The following RIMS1 variants were observed in gnomAD, a reference collection of about 807,000 sequenced individuals.
The protein encoded by RIMS1 is regulating synaptic membrane exocytosis 1, also known as regulating synaptic membrane exocytosis protein 1.
Under a neutral mutation model 214.1 loss-of-function variants are expected in RIMS1, and 83 were observed. The ratio of observed to expected loss-of-function variants is 0.39; its 90% confidence interval spans 0.32 to 0.47. The LOEUF (loss-of-function observed/expected upper bound fraction) is 0.47. Ranked by LOEUF, RIMS1 falls within the 20% of genes least tolerant of loss-of-function variation. RIMS1 has a pLI of 0.99. For missense variants in RIMS1, 2,050 were observed against 2,161.8 expected (o/e 0.95, Z 1.03); for synonymous variants, 793 against 786.8 (o/e 1.01, Z -0.13).
chr6:72,225,439 G>C (rs1393849885), intron 6 of RIMS1, among the ~76,000 whole-genome samples: 1 of 152,070 alleles, frequency 6.6e-6, no homozygotes, highest in Non-Finnish European at 1.5e-5. Context: ...TTGACATTCA[G>C]AATATTATTT....
At chr6:72,146,725 C>T (rs117365096) in intron 4 of RIMS1, among the ~76,000 whole-genome samples, 11,206 of 152,210 alleles carry the variant, frequency 0.074, 459 homozygotes, top group Middle Eastern at 0.099. Context: ...TCCTTTAACC[C>T]TCTAACCTAG....
intron 2 of RIMS1, among the ~76,000 whole-genome samples, chr6:72,060,796 T>C (rs1827649515): frequency 6.6e-6 from 1 of 152,228 alleles, no homozygotes; most frequent in Non-Finnish European, 1.5e-5. Flanking sequence ...ATGTATAATC[T>C]TTTATACTGA....
chr6:72,162,524 A>C (rs1434149241), intron 4 of RIMS1, among the ~76,000 whole-genome samples: 1 of 140,640 alleles, frequency 7.1e-6, no homozygotes. Context: ...AGTGGCTGGT[A>C]CTGGTTGTTC....
At chr6:71,948,381 A>G (rs1347530853) in intron 1 of RIMS1, among the ~76,000 whole-genome samples, 1 of 152,212 alleles carries the variant, frequency 6.6e-6, no homozygotes, top group Non-Finnish European at 1.5e-5. Flanking sequence ...AACATTGAAT[A>G]TTTCTTAATA....
chr6:72,302,988 A>T (rs1388011307), intron 26 of RIMS1, among the ~76,000 whole-genome samples: 1 of 151,032 alleles, frequency 6.6e-6, no homozygotes, highest in Non-Finnish European at 1.5e-5. Context: ...TTCAAGGTGC[A>T]TAGAGAGAAA....
chr6:72,075,642 G>A lies in RIMS1; in HGVS notation c.246-21307G>A, dbSNP rs544268976. Among the ~76,000 whole-genome samples the A allele has an allele frequency of 7.2e-5, 11 of 152,194 alleles. No individual in the cohort carries two copies. In the South Asian group the frequency reaches 2.1e-3, roughly 29 times the overall value. ...AAAAAAAATTATTTAACTAAGATTAGAAAGATGAAAACAGAATGCTCACCA... is the reference window on the plus strand; with the variant it reads ...AAAAAAAATTATTTAACTAAGATTAAAAAGATGAAAACAGAATGCTCACCA... On this transcript the variant is annotated intron_variant, in intron 2 of 33. Coordinates refer to ENST00000521978, the MANE Select transcript of RIMS1 (RefSeq NM_014989.7).
At chr6:72,181,694 C>T (rs1030627178) in intron 5 of RIMS1, among the ~76,000 whole-genome samples, 3 of 152,044 alleles carry the variant, frequency 2.0e-5, no homozygotes. Flanking sequence ...GAGAGGTGGC[C>T]AGTGTAAAGA....
intron 1 of RIMS1, among the ~76,000 whole-genome samples, chr6:71,954,115 G>T (rs1305915763): frequency 6.6e-6 from 1 of 152,068 alleles, no homozygotes; most frequent in Non-Finnish European, 1.5e-5. Context: ...ATGAGATGTT[G>T]CTGTTAGAAA....
intron 4 of RIMS1, among the ~76,000 whole-genome samples, chr6:72,113,570 A>C (rs2036511305): frequency 6.6e-6 from 1 of 152,136 alleles, no homozygotes; most frequent in Admixed American, 6.6e-5. Flanking sequence ...TTACACGATT[A>C]ATTTTTAAAC....
chr6:71,901,149 A>G (rs1168887441), intron 1 of RIMS1, among the ~76,000 whole-genome samples: 2 of 152,112 alleles, frequency 1.3e-5, no homozygotes, highest in African/African-American at 4.8e-5. Context: ...TGAGAAACTA[A>G]AAGTCTTATA....
At chr6:71,907,168 C>T (rs1462694936) in intron 1 of RIMS1, among the ~76,000 whole-genome samples, 1 of 152,174 alleles carries the variant, frequency 6.6e-6, no homozygotes, top group Non-Finnish European at 1.5e-5. Context: ...ATTTACCCTG[C>T]ATTATGCTTA....
At chr6:71,936,672 A>G (rs1332621681) in intron 1 of RIMS1, among the ~76,000 whole-genome samples, 4 of 152,216 alleles carry the variant, frequency 2.6e-5, no homozygotes, top group African/African-American at 9.6e-5. Context: ...TTAGAGAATG[A>G]TCTGGTAGAT....
At chr6:72,355,634 G>A (rs1316006012) in intron 29 of RIMS1, among the ~76,000 whole-genome samples, 8 of 152,128 alleles carry the variant, frequency 5.3e-5, no homozygotes, top group Admixed American at 3.9e-4. Flanking sequence ...TATCAGGTTA[G>A]AGACTGCCAG....
chr6:72,007,841 G>A (rs1031559268), intron 2 of RIMS1, among the ~76,000 whole-genome samples: 2 of 152,324 alleles, frequency 1.3e-5, no homozygotes, highest in Admixed American at 6.5e-5. Context: ...CCAAATCTAT[G>A]TCTGATTGGT....
rs376289027 is a variant in RIMS1 at position 72,399,076 on chromosome 6, A to G, written c.4842A>G (p.Pro1614=). Residue 1614 remains proline, a synonymous_variant, in exon 33 of 34, where the codon CCA becomes CCG. Coordinates refer to ENST00000521978, the MANE Select transcript of RIMS1 (RefSeq NM_014989.7). ...YQQSLVFDES[P]QGKVLQVIVW... Reference sequence around the variant, plus strand: ...AGTCTCTGGTTTTTGATGAAAGTCCACAGGGTAAAGTTCTTCAGGTCAGTA... The same window carrying G: ...AGTCTCTGGTTTTTGATGAAAGTCCGCAGGGTAAAGTTCTTCAGGTCAGTA... The G allele has an allele frequency of 2.5e-4, 400 of 1,608,034 alleles. 10 individuals carry two copies. The South Asian group carries it at 4.2e-3, about 17-fold the overall frequency.
At chr6:72,090,509 T>C (rs1051863317) in intron 2 of RIMS1, among the ~76,000 whole-genome samples, 2 of 151,222 alleles carry the variant, frequency 1.3e-5, no homozygotes, top group African/African-American at 4.9e-5. Context: ...ACAAACATCA[T>C]TAAAAAAAAA....
chr6:72,032,348 C>G (rs1365351093), intron 2 of RIMS1, among the ~76,000 whole-genome samples: 1 of 152,122 alleles, frequency 6.6e-6, no homozygotes, highest in Non-Finnish European at 1.5e-5. Flanking sequence ...TTTCCAGACT[C>G]CTCAAATAGA....
chr6:72,004,692 C>T (rs1294886435), intron 2 of RIMS1, among the ~76,000 whole-genome samples: 1 of 151,874 alleles, frequency 6.6e-6, no homozygotes, highest in Non-Finnish European at 1.5e-5. Flanking sequence ...CTGTTCATAT[C>T]CTTTGCCCAC....
At chr6:72,089,719 C>T (rs1044323177) in intron 2 of RIMS1, among the ~76,000 whole-genome samples, 3 of 150,096 alleles carry the variant, frequency 2.0e-5, no homozygotes, top group Admixed American at 6.7e-5. Context: ...CACATGCACA[C>T]GTATGTTTAT....
Sources: gnomAD v4.1 joint callset for allele counts (sites outside exome capture counted in the v4.1 genomes callset) on GRCh38, gnomAD v4.1.1 for gene constraint, MANE v1.5 for transcripts, NCBI Gene and HGNC (gene_info 2026-07-23, HGNC 2026-07-21) for gene names.